Variants in FHOD3 observed in about 807,000 individuals in gnomAD.
FHOD3 encodes the protein FH1/FH2 domain-containing protein 3.
A neutral mutation model predicts 173.0 loss-of-function variants in FHOD3; 90 were observed. The observed-to-expected ratio is 0.52, with a 90% CI of 0.44 to 0.62. The LOEUF (loss-of-function observed/expected upper bound fraction) is 0.62, where lower values mean the gene tolerates loss of function less well. FHOD3 is among the 20% of genes least tolerant of loss of function. The pLI, the probability that FHOD3 is intolerant of heterozygous loss-of-function variation, is 0.00. For missense variants in FHOD3, 1,945 were observed against 2,034.7 expected (o/e 0.96, Z 0.85); for synonymous variants, 828 against 823.0 (o/e 1.01, Z -0.10).
chr18:36,539,817 C>T (rs2057135625), intron 5 of FHOD3, among the ~76,000 whole-genome samples: 1 of 152,134 alleles, frequency 6.6e-6, no homozygotes, highest in Admixed American at 6.5e-5. Flanking sequence ...ATTAAAGTCC[C>T]CAAGAATGGA....
At chr18:36,361,056 G>C (rs1055462340) in intron 2 of FHOD3, among the ~76,000 whole-genome samples, 1 of 152,116 alleles carries the variant, frequency 6.6e-6, no homozygotes, top group South Asian at 2.1e-4. Context: ...AAAGGTAGAC[G>C]TTCCCTGATT....
chr18:36,665,513 G>A (rs1222051943), intron 14 of FHOD3, among the ~76,000 whole-genome samples: 2 of 152,058 alleles, frequency 1.3e-5, no homozygotes, highest in African/African-American at 4.8e-5. Context: ...GGATACCCCT[G>A]GCAAAAGGTC....
chr18:36,645,239 G>C (rs2035598522), intron 10 of FHOD3, among the ~76,000 whole-genome samples: 1 of 151,978 alleles, frequency 6.6e-6, no homozygotes, highest in African/African-American at 2.4e-5. Context: ...TGGCAAACAT[G>C]GTAAAAACTC....
Position 36,530,175 on chromosome 18 carries a change from G to A in FHOD3, c.511+17632G>A, listed in dbSNP as rs116969773. ...TTGAAACATATCAGACTTAGAAAAC[G>A]GTATAAAGAGTAATAAAGTGAATCC... On this transcript the variant is annotated intron_variant, in intron 5 of 28. Coordinates refer to ENST00000590592, the MANE Select transcript of FHOD3 (RefSeq NM_001281740.3). Among the ~76,000 whole-genome samples, 180 of 152,188 alleles carry A rather than the reference G, an allele frequency of 1.2e-3. 1 individual carries two copies. The highest frequency in any genetic ancestry group is 4.4e-3 in the East Asian group (23 of 5,178).
At chr18:36,668,552 T>C (rs1252890666) in intron 14 of FHOD3, among the ~76,000 whole-genome samples, 2 of 152,044 alleles carry the variant, frequency 1.3e-5, no homozygotes, top group African/African-American at 2.4e-5. Context: ...AATTTGCTCT[T>C]TTTTTCAGTT....
intron 6 of FHOD3, among the ~76,000 whole-genome samples, chr18:36,588,608 A>G (rs537065644): frequency 3.2e-4 from 48 of 152,316 alleles, no homozygotes; most frequent in African/African-American, 1.1e-3. Flanking sequence ...GAAATTAGGA[A>G]TTTGAAGATT....
At chr18:36,326,093 A>G (rs553754722) in intron 1 of FHOD3, among the ~76,000 whole-genome samples, 1 of 152,330 alleles carries the variant, frequency 6.6e-6, no homozygotes, top group South Asian at 2.1e-4. Context: ...TTTTGTGAGC[A>G]TGGTGGTCAA....
At chr18:36,494,603 ATG>A (rs1294344379) in intron 3 of FHOD3, among the ~76,000 whole-genome samples, 4 of 152,120 alleles carry the variant, frequency 2.6e-5, no homozygotes, top group Non-Finnish European at 5.9e-5. Flanking sequence ...AAAGTAAGGG[ATG>A]TATAATCAGC....
chr18:36,600,252 A>AACACACACACACACACACACACACAC, intron 7 of FHOD3, among the ~76,000 whole-genome samples: 1 of 143,178 alleles, frequency 7.0e-6, no homozygotes, highest in East Asian at 2.1e-4. Context: ...TCTCCTCTGC[A>AACACACACACACACACACACACACAC]ACACACACAC....
chr18:36,573,146 T>C (rs934234304), intron 5 of FHOD3, among the ~76,000 whole-genome samples: 2 of 134,332 alleles, frequency 1.5e-5, no homozygotes, highest in African/African-American at 5.9e-5. Context: ...GTCTTATTTT[T>C]GTTCTTTTTT....
intron 10 of FHOD3, among the ~76,000 whole-genome samples, chr18:36,628,416 G>T (rs1475585565): frequency 6.6e-6 from 1 of 152,174 alleles, no homozygotes; most frequent in Non-Finnish European, 1.5e-5. Context: ...TACATTCCTT[G>T]TAGGTATTTT....
Position 36,718,443 on chromosome 18 carries a change from G to T in FHOD3, c.3145G>T (p.Val1049Phe). Residue 1049 changes from valine to phenylalanine, a missense_variant, in exon 19 of 29, where the codon GTC (valine) becomes TTC (phenylalanine). Physicochemically the swap from Val to Phe is conservative, Grantham distance 50 (BLOSUM62 -1). Around this residue, in one of 5 missense-constraint regions of FHOD3, gnomAD observed 1,099 missense variants for 1,051.2 expected, o/e 1.05. Coordinates refer to ENST00000590592, the MANE Select transcript of FHOD3 (RefSeq NM_001281740.3). The stretch of plus-strand genomic sequence containing the variant: ...GTTGGACAGCATTCCTCCCCCTCCT[G>T]TCCCTGGTAATTTATTGGTTCCTCC... ...PLLDSIPPPP[V>F]PGNLLVPPPP... is the part of the protein sequence containing the mutation. 1 of 1,383,862 alleles carries T rather than the reference G, an allele frequency of 7.2e-7. No individual in the cohort carries two copies. The highest frequency in any genetic ancestry group is 9.6e-7 in the Non-Finnish European group (1 of 1,046,178). 85.7% of individuals were successfully genotyped at this position (1,383,862 alleles called of 1,614,324 possible).
At chr18:36,518,190 G>C (rs1359761308) in intron 5 of FHOD3, among the ~76,000 whole-genome samples, 1 of 152,166 alleles carries the variant, frequency 6.6e-6, no homozygotes, top group East Asian at 1.9e-4. Flanking sequence ...TGGGAGCAAA[G>C]GGGAAGAATT....
chr18:36,416,103 G>A (rs1028098949), intron 3 of FHOD3, among the ~76,000 whole-genome samples: 3 of 152,124 alleles, frequency 2.0e-5, no homozygotes, highest in African/African-American at 7.2e-5. Context: ...CATGATCTCG[G>A]CTCACTGCAA....
intron 17 of FHOD3, among the ~76,000 whole-genome samples, chr18:36,701,086 T>G (rs1484326941): frequency 6.6e-6 from 1 of 152,216 alleles, no homozygotes; most frequent in African/African-American, 2.4e-5. Context: ...TTATTCCCAG[T>G]GCTTGGAGCA....
chr18:36,528,763 A>G (rs891739031), intron 5 of FHOD3, among the ~76,000 whole-genome samples: 1 of 152,232 alleles, frequency 6.6e-6, no homozygotes, highest in African/African-American at 2.4e-5. Context: ...TGGTTGTTAG[A>G]TCATGCCTTG....
chr18:36,327,448 T>C (rs992137542), intron 1 of FHOD3, among the ~76,000 whole-genome samples: 2 of 152,262 alleles, frequency 1.3e-5, no homozygotes, highest in South Asian at 4.1e-4. Flanking sequence ...CCATCTAATA[T>C]GTTGTGAGCC....
intron 3 of FHOD3, among the ~76,000 whole-genome samples, chr18:36,470,708 G>A (rs1356295021): frequency 1.3e-5 from 2 of 152,188 alleles, no homozygotes; most frequent in African/African-American, 4.8e-5. Context: ...TCTGCCTCTG[G>A]GGGGCAAAAA....
intron 25 of FHOD3, among the ~76,000 whole-genome samples, chr18:36,757,456 G>A (rs1402523323): frequency 4.6e-5 from 7 of 152,152 alleles, no homozygotes; most frequent in Admixed American, 3.9e-4. Flanking sequence ...ATATCCCAAG[G>A]ACATCATAAC....
Sources: allele counts gnomAD v4.1 joint callset (sites outside exome capture counted in the v4.1 genomes callset), GRCh38; gene constraint gnomAD v4.1.1; regional missense constraint gnomAD v4.1.1; transcripts MANE v1.5; gene names NCBI Gene and HGNC (gene_info 2026-07-23, HGNC 2026-07-21).